GPC3: variants seen among roughly 807,000 people sequenced by gnomAD.
GPC3 encodes the protein glypican 3.
Under a neutral mutation model 34.4 loss-of-function variants are expected in GPC3, and 3 were observed. The observed-to-expected ratio is 0.09, with a 90% CI of 0.04 to 0.23. The LOEUF is 0.23. GPC3 is among the 10% of genes least tolerant of loss of function. The probability of loss-of-function intolerance (pLI) is 1.00; values close to 1 mark genes in which losing one functional copy is unlikely to be tolerated. For missense variants in GPC3, 351 were observed against 445.6 expected (o/e 0.79, Z 1.91); for synonymous variants, 177 against 174.0 (o/e 1.02, Z -0.13).
At chrX:133,878,050 T>G (rs2076024499) in intron 2 of GPC3, among the ~76,000 whole-genome samples, 1 of 112,274 alleles carries the variant, frequency 8.9e-6, no homozygotes, top group Non-Finnish European at 1.9e-5. Context: ...TAACTTACTT[T>G]TTTTCTCTAT....
rs969946509 is a variant in GPC3, at chrX:133,927,877, T to TTA, written c.337+25171_337+25172dup. Among the ~76,000 whole-genome samples, 29 of 106,584 alleles carry TTA rather than the reference T, an allele frequency of 2.7e-4. 1 individual carries two copies. Among genetic ancestry groups the TTA allele is most frequent in the Admixed American group, 7.2e-4 (7 of 9,687 alleles). The allele number at this position is 106,584 out of a possible 115,157, so 92.6% of individuals were successfully genotyped here. ...TGTAATAAATATACATATATATATA[T>TTA]TATATATATATATTTACTATAGTGG... On this transcript the variant is annotated intron_variant, in intron 2 of 7. Coordinates refer to ENST00000370818, the MANE Select transcript of GPC3 (RefSeq NM_004484.4).
At chrX:133,936,960 C>A (rs1248154487) in intron 2 of GPC3, among the ~76,000 whole-genome samples, 1 of 111,486 alleles carries the variant, frequency 9.0e-6, no homozygotes, top group African/African-American at 3.3e-5. Context: ...AAATTCATCA[C>A]CCCTCCTCTC....
At chrX:133,569,219 G>A (rs2124299107) in intron 7 of GPC3, among the ~76,000 whole-genome samples, 1 of 111,653 alleles carries the variant, frequency 9.0e-6, no homozygotes, top group South Asian at 3.8e-4. Flanking sequence ...ACTTGCAGAG[G>A]GCCATGAATA....
intron 7 of GPC3, among the ~76,000 whole-genome samples, chrX:133,557,998 G>A (rs1010106771): frequency 9.0e-6 from 1 of 111,411 alleles, no homozygotes; most frequent in African/African-American, 3.3e-5. Flanking sequence ...TCTCCCAAGT[G>A]GTTCTCCCTA....
intron 6 of GPC3, among the ~76,000 whole-genome samples, chrX:133,628,939 A>G (rs1332618284): frequency 9.0e-6 from 1 of 111,376 alleles, no homozygotes; most frequent in Non-Finnish European, 1.9e-5. Flanking sequence ...CCACCAAGTA[A>G]TTCTGGTGGA....
chrX:133,838,805 T>C (rs1297680254), intron 2 of GPC3, among the ~76,000 whole-genome samples: 1 of 112,095 alleles, frequency 8.9e-6, no homozygotes, highest in Non-Finnish European at 1.9e-5. Context: ...ACCCACTTTC[T>C]GCAAAGAAGG....
chrX:133,647,124 C>A (rs1287378570), intron 6 of GPC3, among the ~76,000 whole-genome samples: 1 of 112,502 alleles, frequency 8.9e-6, no homozygotes, highest in Non-Finnish European at 1.9e-5. Flanking sequence ...GTACCTGCCA[C>A]TACATTTTCT....
At chrX:133,805,073 G>A (rs1343609810) in intron 2 of GPC3, among the ~76,000 whole-genome samples, 4 of 112,031 alleles carry the variant, frequency 3.6e-5, no homozygotes, top group Non-Finnish European at 7.5e-5. Context: ...TTACACAGAC[G>A]CAGGCATATC....
intron 7 of GPC3, among the ~76,000 whole-genome samples, chrX:133,576,289 G>A (rs1465166945): frequency 9.0e-6 from 1 of 111,134 alleles, no homozygotes; most frequent in Non-Finnish European, 1.9e-5. Flanking sequence ...TGTCACCTAG[G>A]CTGGAGTGCA....
chrX:133,983,786 A>C (rs1213023946), intron 1 of GPC3, among the ~76,000 whole-genome samples: 1 of 111,636 alleles, frequency 9.0e-6, no homozygotes, highest in Non-Finnish European at 1.9e-5. Flanking sequence ...ACTGATTCAT[A>C]GGTTGCCCCT....
chrX:133,977,531 C>T (rs1228773647), intron 1 of GPC3, among the ~76,000 whole-genome samples: 1 of 111,644 alleles, frequency 9.0e-6, no homozygotes, highest in Non-Finnish European at 1.9e-5. Context: ...ACTCTTTCTC[C>T]CTTCACCATG....
At chrX:133,543,146 T>G (rs1430229624) in intron 7 of GPC3, among the ~76,000 whole-genome samples, 1 of 110,568 alleles carries the variant, frequency 9.0e-6, no homozygotes, top group Non-Finnish European at 1.9e-5. Context: ...TTTTAGACAG[T>G]CTCGCCGTGT....
At chrX:133,958,872 T>A (rs1398389002) in intron 1 of GPC3, among the ~76,000 whole-genome samples, 3 of 101,442 alleles carry the variant, frequency 3.0e-5, no homozygotes, top group Admixed American at 1.1e-4. Flanking sequence ...GGAGACAGAG[T>A]GAGACTTCGT....
intron 2 of GPC3, among the ~76,000 whole-genome samples, chrX:133,775,326 T>C: frequency 9.0e-6 from 1 of 111,513 alleles, no homozygotes; most frequent in Admixed American, 9.6e-5. Flanking sequence ...TGAATTTGCA[T>C]AGTTCTGTTC....
At chrX:133,630,155 G>A (rs1265885279) in intron 6 of GPC3, among the ~76,000 whole-genome samples, 1 of 112,026 alleles carries the variant, frequency 8.9e-6, no homozygotes, top group African/African-American at 3.2e-5. Flanking sequence ...GTGTGTTTGT[G>A]GTAATGTAAG....
intron 2 of GPC3, among the ~76,000 whole-genome samples, chrX:133,855,926 T>C (rs930044872): frequency 8.9e-6 from 1 of 111,920 alleles, no homozygotes; most frequent in Non-Finnish European, 1.9e-5. Flanking sequence ...TCCAGGTCCA[T>C]CCATACTGTG....
intron 2 of GPC3, among the ~76,000 whole-genome samples, chrX:133,889,802 G>A (rs1368844716): frequency 4.2e-5 from 4 of 94,963 alleles, no homozygotes; most frequent in Non-Finnish European, 2.1e-5. Context: ...AGAAGACCAC[G>A]GTTTCCTATT....
At chrX:133,859,768 A>G (rs980932142) in intron 2 of GPC3, among the ~76,000 whole-genome samples, 2 of 112,243 alleles carry the variant, frequency 1.8e-5, no homozygotes, top group Non-Finnish European at 1.9e-5. Flanking sequence ...GTAAATACTT[A>G]TGTGTGTTAG....
At chrX:133,605,181 G>T (rs909900597) in intron 6 of GPC3, among the ~76,000 whole-genome samples, 2 of 108,250 alleles carry the variant, frequency 1.8e-5, no homozygotes, top group Non-Finnish European at 3.8e-5. Context: ...GTGGGGGGGG[G>T]GCAATAAAGT....
Sources: allele counts gnomAD v4.1 joint callset (sites outside exome capture counted in the v4.1 genomes callset), GRCh38; gene constraint gnomAD v4.1.1; transcripts MANE v1.5; gene names NCBI Gene and HGNC (gene_info 2026-07-23, HGNC 2026-07-21).